The following SLC41A2 variants were observed in gnomAD, a reference collection of about 807,000 sequenced individuals.
The protein encoded by SLC41A2 is SLC41A1-like 1.
A neutral mutation model predicts 58.3 loss-of-function variants in SLC41A2; 32 were observed. The observed-to-expected ratio is 0.55, with a 90% CI of 0.41 to 0.74. The LOEUF (loss-of-function observed/expected upper bound fraction) is 0.74, where lower values mean the gene tolerates loss of function less well. Among genes scored for constraint, SLC41A2 ranks in the 30% least tolerant of loss-of-function variants. SLC41A2 has a pLI of 0.00. For missense variants in SLC41A2, 514 were observed against 680.6 expected (o/e 0.76, Z 2.72); for synonymous variants, 190 against 235.0 (o/e 0.81, Z 1.75).
At chr12:104,898,632 TA>T (rs2045411984) in intron 3 of SLC41A2, among the ~76,000 whole-genome samples, 1 of 152,116 alleles carries the variant, frequency 6.6e-6, no homozygotes, top group African/African-American at 2.4e-5. Flanking sequence ...GGATAATTTT[TA>T]ATTTTTACTT....
intron 2 of SLC41A2, among the ~76,000 whole-genome samples, chr12:104,926,515 G>C (rs1218273507): frequency 6.6e-6 from 1 of 151,910 alleles, no homozygotes; most frequent in East Asian, 1.9e-4. Context: ...TTGAACTTGG[G>C]AGGTGGAGAT....
At chr12:104,949,082 G>T (rs2047854019) in intron 1 of SLC41A2, among the ~76,000 whole-genome samples, 1 of 152,150 alleles carries the variant, frequency 6.6e-6, no homozygotes. Context: ...GGGCATGGTG[G>T]TGGTGCATGC....
intron 6 of SLC41A2, among the ~76,000 whole-genome samples, chr12:104,869,226 A>G (rs1016627011): frequency 1.3e-5 from 2 of 152,178 alleles, no homozygotes; most frequent in Non-Finnish European, 1.5e-5. Context: ...TCCTTGTACA[A>G]CCTTATGAAT....
At chr12:104,902,662 AAGACAT>A (rs2045617441) in intron 3 of SLC41A2, among the ~76,000 whole-genome samples, 1 of 152,174 alleles carries the variant, frequency 6.6e-6, no homozygotes, top group Admixed American at 6.5e-5. Flanking sequence ...AGAAAAACAA[AAGACAT>A]AGACTAACAA....
In SLC41A2 at chr12:104,939,347, GAC is replaced by G. The variant is rs1200713297; in HGVS notation, c.-167-10655_-167-10654del. Reference sequence around the variant, plus strand: ...CGAGTAGCTAGGACTATAGGTGCAGGACACCACACCCAGCTAATTTTTAAATA... The same window carrying G: ...CGAGTAGCTAGGACTATAGGTGCAGGACCACACCCAGCTAATTTTTAAATA... On this transcript the variant is annotated intron_variant, in intron 1 of 10. Coordinates refer to ENST00000258538, the MANE Select transcript of SLC41A2 (RefSeq NM_001352171.3). Among the ~76,000 whole-genome samples, 9 of 152,154 alleles carry G rather than the reference GAC, an allele frequency of 5.9e-5. No individual in the cohort carries two copies. In the East Asian group the frequency reaches 1.7e-3, roughly 29 times the overall value.
Position 104,866,416 on chromosome 12 carries a change from A to G in SLC41A2, c.1175+16T>C, listed in dbSNP as rs1263501112. The G allele has an allele frequency of 4.6e-6, 7 of 1,528,468 alleles. No individual in the cohort carries two copies. In the South Asian group the frequency reaches 5.7e-5, roughly 12 times the overall value. 94.7% of individuals were successfully genotyped at this position (1,528,468 alleles called of 1,614,324 possible). On this transcript the variant is annotated intron_variant, in intron 7 of 10. Coordinates refer to ENST00000258538, the MANE Select transcript of SLC41A2 (RefSeq NM_001352171.3). The stretch of plus-strand genomic sequence containing the variant: ...CACACACACACACACACACACACAC[A>G]TATTTTAATACTAACCTACTTATAA...
intron 10 of SLC41A2, among the ~76,000 whole-genome samples, chr12:104,823,847 TA>T (rs1195138380): frequency 6.6e-6 from 1 of 152,166 alleles, no homozygotes; most frequent in Non-Finnish European, 1.5e-5. Context: ...ATATACAGCA[TA>T]AGGACTAAAG....
At chr12:104,831,105 A>G (rs138966222) in intron 10 of SLC41A2, among the ~76,000 whole-genome samples, 8 of 152,238 alleles carry the variant, frequency 5.3e-5, no homozygotes, top group South Asian at 4.1e-4. Context: ...GGGTATCACT[A>G]TGTTGACCAG....
intron 3 of SLC41A2, among the ~76,000 whole-genome samples, chr12:104,901,948 G>C (rs912682042): frequency 2.0e-5 from 3 of 151,860 alleles, no homozygotes; most frequent in African/African-American, 7.3e-5. Flanking sequence ...AATCTTATAC[G>C]CTCATTTATC....
intron 10 of SLC41A2, 105 bp from the exon 11 acceptor site, chr12:104,805,442 C>T (rs2040858900): frequency 1.2e-6 from 1 of 803,874 alleles, no homozygotes. Flanking sequence ...CCGTATGTGT[C>T]TAAGTCAAGA....
chr12:104,820,498 T>C (rs139794151), intron 10 of SLC41A2, among the ~76,000 whole-genome samples: 267 of 152,252 alleles, frequency 1.8e-3, no homozygotes, highest in Non-Finnish European at 3.0e-3. Flanking sequence ...CTAGAAACAA[T>C]TTACGTATAC....
intron 1 of SLC41A2, among the ~76,000 whole-genome samples, chr12:104,933,414 T>C (rs560930436): frequency 1.3e-5 from 2 of 152,298 alleles, no homozygotes; most frequent in South Asian, 4.1e-4. Flanking sequence ...AAAGAGAATG[T>C]TTATATACTG....
intron 8 of SLC41A2, among the ~76,000 whole-genome samples, chr12:104,848,668 C>G (rs892287676): frequency 6.6e-6 from 1 of 151,770 alleles, no homozygotes; most frequent in Non-Finnish European, 1.5e-5. Flanking sequence ...AAATCAAATC[C>G]AGCAAAACAT....
At chr12:104,905,276 C>G (rs949420374) in intron 3 of SLC41A2, among the ~76,000 whole-genome samples, 31 of 152,038 alleles carry the variant, frequency 2.0e-4, no homozygotes, top group African/African-American at 7.5e-4. Flanking sequence ...AATCCTTGAG[C>G]TAGACATAAA....
chr12:104,920,476 G>T (rs1442179351), intron 2 of SLC41A2, among the ~76,000 whole-genome samples: 1 of 151,806 alleles, frequency 6.6e-6, no homozygotes, highest in Non-Finnish European at 1.5e-5. Context: ...TACATTTGCT[G>T]AACTGATAAA....
chr12:104,806,948 G>A (rs1370469036), intron 10 of SLC41A2, among the ~76,000 whole-genome samples: 1 of 152,148 alleles, frequency 6.6e-6, no homozygotes, highest in Non-Finnish European at 1.5e-5. Flanking sequence ...TGAGTTCATT[G>A]TAAATTCTGG....
chr12:104,956,593 C>T (rs547887217), intron 1 of SLC41A2, among the ~76,000 whole-genome samples: 57 of 152,188 alleles, frequency 3.7e-4, no homozygotes, highest in African/African-American at 1.3e-3. Flanking sequence ...GCAGGAGAAT[C>T]GCTTGAACCC....
chr12:104,956,496 T>A (rs929046635), intron 1 of SLC41A2, among the ~76,000 whole-genome samples: 1 of 152,146 alleles, frequency 6.6e-6, no homozygotes, highest in Non-Finnish European at 1.5e-5. Context: ...CTGGCCAACA[T>A]GGTGAAACCA....
intron 1 of SLC41A2, among the ~76,000 whole-genome samples, chr12:104,948,519 GAAGAT>G (rs2047821043): frequency 6.6e-6 from 1 of 152,106 alleles, no homozygotes; most frequent in South Asian, 2.1e-4. Flanking sequence ...AAAAAACCTT[GAAGAT>G]AAGTATGTTC....
Sources: allele counts gnomAD v4.1 joint callset (sites outside exome capture counted in the v4.1 genomes callset), GRCh38; gene constraint gnomAD v4.1.1; transcripts MANE v1.5; gene names NCBI Gene and HGNC (gene_info 2026-07-23, HGNC 2026-07-21).